The following PAF1 variants were observed in gnomAD, a reference collection of about 807,000 sequenced individuals.
PAF1 encodes PAF1 component of Paf1/RNA polymerase II complex.
In PAF1, 31 loss-of-function variants were observed where a neutral mutation model predicts 68.4. That is an observed-to-expected ratio of 0.45 (90% confidence interval 0.34 to 0.61). PAF1 has a LOEUF of 0.61. Ranked by LOEUF, PAF1 falls within the 20% of genes least tolerant of loss-of-function variation. The pLI is 0.01. For missense variants in PAF1, 435 were observed against 692.9 expected, an observed-to-expected ratio of 0.63 and a Z score of 4.18; for synonymous variants, 256 against 240.5, an observed-to-expected ratio of 1.06 and a Z score of -0.60.
Position 39,389,726 on chromosome 19 carries a change from T to C in PAF1, c.206A>G (p.Gln69Arg). The C allele has an allele frequency of 6.2e-7, 1 of 1,614,148 alleles. No individual in the cohort carries two copies. Among genetic ancestry groups the C allele is most frequent in the South Asian group, 1.1e-5 (1 of 91,080 alleles). Residue 69 changes from glutamine to arginine, a missense_variant, in exon 4 of 14, where the codon CAG becomes CGG. By Grantham distance (43) the Gln-to-Arg change is conservative (BLOSUM62 1). Coordinates refer to ENST00000221265, the MANE Select transcript of PAF1 (RefSeq NM_019088.4). This position sits in a 1 kb window ranked among gnomAD's most constrained non-coding sequence, Gnocchi z 5.3. ...VQYKATSLEK[Q>R]HKHDLLTEPD... Reference sequence around the variant, plus strand: ...CTCAGTCAGGAGGTCATGTTTGTGCTGTTTCTCCAAGGAAGTGGCTTTGTA... The same window carrying C: ...CTCAGTCAGGAGGTCATGTTTGTGCCGTTTCTCCAAGGAAGTGGCTTTGTA...
In PAF1 at chr19:39,387,883, A is replaced by G. The variant is rs745716004; in HGVS notation, c.986+456T>C. ...CTGGGCGTGGTGGCTCACACCTGTA[A>G]TCCCAGCACTTTGGGAGGCCGAGGC... On this transcript the variant is annotated intron_variant, in intron 11 of 13. Coordinates refer to ENST00000221265, the MANE Select transcript of PAF1 (RefSeq NM_019088.4). Among the ~76,000 whole-genome samples, 81 of 152,152 alleles carry G rather than the reference A, an allele frequency of 5.3e-4. 1 individual carries two copies. The highest frequency in any genetic ancestry group is 1.9e-4 in the Non-Finnish European group (13 of 68,022).
Position 39,389,649 on chromosome 19 carries a change from C to G in PAF1, c.283G>C (p.Asp95His). The change falls in exon 4 of 14, where the codon GAC (aspartate) becomes CAC (histidine). Residue 95 changes from aspartate to histidine, a missense_variant. Physicochemically the swap from Asp to His is moderately conservative, Grantham distance 81 (BLOSUM62 -1). This residue lies in a region of PAF1 where 77 missense variants were observed against 118.2 expected (regional missense o/e 0.65). Coordinates refer to ENST00000221265, the MANE Select transcript of PAF1 (RefSeq NM_019088.4). This position sits in a 1 kb window ranked among gnomAD's most constrained non-coding sequence, Gnocchi z 5.3. ...CTGTCTCCCCACACACCATTGGGGT[C>G]GATGCGGTAGGTGTCAGGATTGATG... ...DLINPDTYRI[D>H]PNVLLDPADE... 2.5e-6 allele frequency: 4 copies of G among 1,614,154 alleles called. No homozygotes were observed. Among genetic ancestry groups the G allele is most frequent in the East Asian group, 2.2e-5 (1 of 44,886 alleles).
Position 39,390,114 on chromosome 19 carries a change from A to T in PAF1, c.125T>A (p.Ile42Asn). The T allele has an allele frequency of 6.2e-7, 1 of 1,613,864 alleles. No homozygotes were observed. The highest frequency in any genetic ancestry group is 8.5e-7 in the Non-Finnish European group (1 of 1,179,920). Residue 42 changes from isoleucine to asparagine, a missense_variant, in exon 3 of 14, where the codon ATC becomes AAC. Transcript: ENST00000221265. ...GGTGATGAACTTGGGGTCGAAGGGG[A>T]TATCAGGGAGGCTATTGCAGTACTT... ...RVKYCNSLPD[I>N]PFDPKFITYP...
Position 39,386,746 on chromosome 19 carries a change from G to A in PAF1, c.1040C>T (p.Ala347Val). The A allele has an allele frequency of 6.2e-7, 1 of 1,614,148 alleles. No individual in the cohort carries two copies. Among genetic ancestry groups the A allele is most frequent in the Non-Finnish European group, 8.5e-7 (1 of 1,179,990 alleles). ...GTCCCGATGTTTGACCACAAGCAGG[G>A]CGTTGGTGCCTGACTGAACCCCAGC... ...AKAGVQSGTNALLVVKHRDMN... is the reference protein window; with the variant it reads ...AKAGVQSGTNVLLVVKHRDMN... Residue 347 changes from alanine (A) to valine (V), a missense_variant, in exon 12 of 14, where the codon GCC (alanine) becomes GTC (valine). Transcript: ENST00000221265. This position sits in a 1 kb window ranked among gnomAD's most constrained non-coding sequence, Gnocchi z 6.1.
At chr19:39,387,182 T>C in intron 11 of PAF1, 1 of 434,294 alleles carries the variant, frequency 2.3e-6, no homozygotes, top group Non-Finnish European at 4.6e-6. Context: ...GTGTAGCCTA[T>C]TGCTCCTAGG....
chr19:39,386,443 C>T lies in PAF1; in HGVS notation c.1183+39G>A, dbSNP rs372201513. The T allele has an allele frequency of 4.3e-6, 7 of 1,613,980 alleles. No individual in the cohort carries two copies. Among genetic ancestry groups the T allele is most frequent in the Admixed American group, 1.7e-5 (1 of 59,996 alleles). ...AGAGAGATGAAACCCACTTTTCCAC[C>T]CTCCCAGGGCTCCCAGAGTCTGGCC... On this transcript the variant is annotated intron_variant, in intron 13 of 13. Coordinates refer to ENST00000221265, the MANE Select transcript of PAF1 (RefSeq NM_019088.4). The surrounding 1 kb of genome is among the most constrained non-coding windows in gnomAD (Gnocchi z 6.1).
chr19:39,389,760 A>C lies in PAF1; in HGVS notation c.172T>G (p.Phe58Val). The C allele has an allele frequency of 6.2e-7, 1 of 1,614,116 alleles. No individual in the cohort carries two copies. The highest frequency in any genetic ancestry group is 8.5e-7 in the Non-Finnish European group (1 of 1,180,024). The change falls in exon 4 of 14, where the codon TTC becomes GTC. Residue 58 changes from phenylalanine (F) to valine (V), a missense_variant and splice_region_variant. This residue lies in a region of PAF1 where 77 missense variants were observed against 118.2 expected (regional missense o/e 0.65). Coordinates refer to ENST00000221265, the MANE Select transcript of PAF1 (RefSeq NM_019088.4). This position sits in a 1 kb window ranked among gnomAD's most constrained non-coding sequence, Gnocchi z 5.3. Reference protein sequence around the residue: ...FITYPFDQNRFVQYKATSLEK... With the variant: ...FITYPFDQNRVVQYKATSLEK... ...AAGGAAGTGGCTTTGTACTGGACGA[A>C]CCTGGGTGGGGAAACACCTATTGTG...
chr19:39,387,934 T>TC (rs1253367310), intron 11 of PAF1, among the ~76,000 whole-genome samples: 1 of 152,042 alleles, frequency 6.6e-6, no homozygotes, highest in Admixed American at 6.6e-5. Flanking sequence ...GGTCAGGAGT[T>TC]CAAGACCAGC....
intron 1 of PAF1, among the ~76,000 whole-genome samples, chr19:39,390,610 C>T (rs1474468490): frequency 6.6e-6 from 1 of 152,136 alleles, no homozygotes; most frequent in Non-Finnish European, 1.5e-5. Context: ...CTGGAGGGAT[C>T]CCTTCTGGAG....
At chr19:39,388,297 A>C (rs1012601919) in intron 11 of PAF1, 42 bp downstream of exon 11, 5 of 1,610,652 alleles carry the variant, frequency 3.1e-6, no homozygotes, top group Admixed American at 3.3e-5. Context: ...GGGTCTTAAG[A>C]AGCACAGATC....
chr19:39,388,783 A>G lies in PAF1; in HGVS notation c.719T>C (p.Met240Thr). The G allele has an allele frequency of 6.2e-7, 1 of 1,614,072 alleles. No individual in the cohort carries two copies. Among genetic ancestry groups the G allele is most frequent in the Non-Finnish European group, 8.5e-7 (1 of 1,179,946 alleles). Residue 240 changes from methionine (M) to threonine (T), a missense_variant, in exon 9 of 14, where the codon ATG becomes ACG. Transcript: ENST00000221265. ...CTACCTAATCATGGCCTGAGACATCATCTCCAACGCAGCTGCACCACTCGT... is the reference window on the plus strand; with the variant it reads ...CTACCTAATCATGGCCTGAGACATCGTCTCCAACGCAGCTGCACCACTCGT... ...KDTSGAAALE[M>T]MSQAMIRGMM...
rs1209357025 is a variant in PAF1 at position 39,390,887 on chromosome 19, G to A, written c.-23C>T. 3.8e-6 allele frequency: 6 copies of A among 1,570,250 alleles called. No homozygotes were observed. Among genetic ancestry groups the A allele is most frequent in the Non-Finnish European group, 5.2e-6 (6 of 1,157,464 alleles). On this transcript the variant is annotated 5_prime_UTR_variant, in exon 1 of 14. Coordinates refer to ENST00000221265, the MANE Select transcript of PAF1 (RefSeq NM_019088.4). ...CATAGCGACGAGGCGACGGCAGCCC[G>A]GACGGGGTCCTAGCGGGACCGAAGG...
At chr19:39,390,684 G>A (rs1464955003) in intron 1 of PAF1, 134 bp downstream of exon 1, 2 of 956,950 alleles carry the variant, frequency 2.1e-6, no homozygotes, top group East Asian at 5.2e-5. Context: ...CTGAATCTCA[G>A]AAGGAACCCG....
chr19:39,390,873 G>C lies in PAF1; in HGVS notation c.-9C>G. 6.3e-7 allele frequency: 1 copy of C among 1,577,792 alleles called. No homozygotes were observed. The highest frequency in any genetic ancestry group is 8.6e-7 in the Non-Finnish European group (1 of 1,161,576). On this transcript the variant is annotated 5_prime_UTR_variant, in exon 1 of 14. Coordinates refer to ENST00000221265, the MANE Select transcript of PAF1 (RefSeq NM_019088.4). ...TGGATGGTGGGCGCCATAGCGACGA[G>C]GCGACGGCAGCCCGGACGGGGTCCT...
At chr19:39,388,732 C>T in intron 9 of PAF1, 30 bp downstream of exon 9, 2 of 1,606,138 alleles carry the variant, frequency 1.2e-6, no homozygotes, top group Non-Finnish European at 1.7e-6. Context: ...CAGCAAGGAG[C>T]AGGCCAAGGT....
rs2078308951 is a variant in PAF1 at position 39,388,774 on chromosome 19, T to A, written c.728A>T (p.Gln243Leu). Residue 243 changes from glutamine to leucine, a missense_variant, in exon 9 of 14, where the codon CAG (glutamine) becomes CTG (leucine). By Grantham distance (113) the Gln-to-Leu change is moderately radical. Coordinates refer to ENST00000221265, the MANE Select transcript of PAF1 (RefSeq NM_019088.4). ...SGAAALEMMS[Q>L]AMIRGMMDEE... The stretch of plus-strand genomic sequence containing the variant: ...CAGGACCACCTACCTAATCATGGCC[T>A]GAGACATCATCTCCAACGCAGCTGC... 1 of 1,613,840 alleles carries A rather than the reference T, an allele frequency of 6.2e-7. No individual in the cohort carries two copies. Among genetic ancestry groups the A allele is most frequent in the Non-Finnish European group, 8.5e-7 (1 of 1,179,808 alleles).
rs1195380739 is a variant in PAF1 at position 39,386,634 on chromosome 19, C to A, written c.1092+60G>T. ...TGTTCTGCTGGGTTTTTGTCCCCCTCCTCACCTACAACCACCACCCTCCCT... is the reference window on the plus strand; with the variant it reads ...TGTTCTGCTGGGTTTTTGTCCCCCTACTCACCTACAACCACCACCCTCCCT... On this transcript the variant is annotated intron_variant, in intron 12 of 13. Transcript: ENST00000221265. The surrounding 1 kb of genome is among the most constrained non-coding windows in gnomAD (Gnocchi z 6.1). 6.2e-7 allele frequency: 1 copy of A among 1,603,906 alleles called. No homozygotes were observed. The highest frequency in any genetic ancestry group is 1.3e-5 in the African/African-American group (1 of 74,812).
At position 39,388,447 on chromosome 19, in the gene PAF1, C is replaced by T; in HGVS notation, c.878G>A (p.Arg293Gln). 6.2e-7 allele frequency: 1 copy of T among 1,614,142 alleles called. No homozygotes were observed. The highest frequency in any genetic ancestry group is 8.5e-7 in the Non-Finnish European group (1 of 1,180,024). The change falls in exon 11 of 14, where the codon CGG becomes CAG. Residue 293 changes from arginine to glutamine, a missense_variant. Arg to Gln is a conservative substitution (Grantham distance 43). Around this residue, in one of 7 missense-constraint regions of PAF1, gnomAD observed 151 missense variants for 306.3 expected, o/e 0.49. Coordinates refer to ENST00000221265, the MANE Select transcript of PAF1 (RefSeq NM_019088.4). ...PDDVYDYKIA[R>Q]EYNWNVKNKA... ...GTTCTTCACGTTCCAGTTGTACTCC[C>T]GAGCAATTTTGTAGTCATACCTGAA...
In PAF1 at chr19:39,389,385, T is replaced by C. The variant is rs1047498838; in HGVS notation, c.360-2A>G. The C allele has an allele frequency of 6.2e-7, 1 of 1,614,092 alleles. No homozygotes were observed. The highest frequency in any genetic ancestry group is 8.5e-7 in the Non-Finnish European group (1 of 1,179,928). On this transcript the variant is annotated splice_acceptor_variant, in intron 5 of 13. Coordinates refer to ENST00000221265, the MANE Select transcript of PAF1 (RefSeq NM_019088.4). LOFTEE classifies it high-confidence loss of function. This position sits in a 1 kb window ranked among gnomAD's most constrained non-coding sequence, Gnocchi z 5.3. ...ACCACCTTCGCGTGCTGCTGGGATC[T>C]GGGGTGGGAAATCAGGTATCTCAGG...
Sources: gnomAD v4.1 joint callset for allele counts (sites outside exome capture counted in the v4.1 genomes callset) on GRCh38, gnomAD v4.1.1 for gene constraint, gnomAD v4.1.1 regional missense constraint, Gnocchi (gnomAD v3.1) non-coding constraint, MANE v1.5 for transcripts, NCBI Gene and HGNC (gene_info 2026-07-23, HGNC 2026-07-21) for gene names.